Variants in PPP6R1 observed in about 807,000 individuals in gnomAD.
PPP6R1 encodes serine/threonine-protein phosphatase 6 regulatory subunit 1.
Under a neutral mutation model 104.6 loss-of-function variants are expected in PPP6R1, and 39 were observed. The ratio of observed to expected loss-of-function variants is 0.37; its 90% CI spans 0.29 to 0.49. The LOEUF (loss-of-function observed/expected upper bound fraction) is 0.49, where lower values mean the gene tolerates loss of function less well. Among genes scored for constraint, PPP6R1 ranks in the 20% least tolerant of loss-of-function variants. PPP6R1 has a pLI of 0.98. For missense variants in PPP6R1, 1,181 were observed against 1,155.8 expected (o/e 1.02, Z -0.32); for synonymous variants, 549 against 479.0 (o/e 1.15, Z -1.91).
At chr19:55,256,450 G>A (rs976130343) in intron 1 of PPP6R1, among the ~76,000 whole-genome samples, 4 of 152,208 alleles carry the variant, frequency 2.6e-5, no homozygotes, top group Non-Finnish European at 5.9e-5. Flanking sequence ...ATCGCCAATC[G>A]TCCCCCAGGG....
intron 11 of PPP6R1, 43 bp from the exon 12 acceptor site, chr19:55,240,157 C>A (rs1235732808): frequency 6.4e-7 from 1 of 1,561,576 alleles, no homozygotes; most frequent in Non-Finnish European, 8.7e-7. Context: ...GGACTGGACC[C>A]AGGGATGCCC....
Position 55,241,717 on chromosome 19 carries a change from G to C in PPP6R1, c.846-78C>G. The C allele has an allele frequency of 7.0e-7, 1 of 1,432,050 alleles. No individual in the cohort carries two copies. Among genetic ancestry groups the C allele is most frequent in the South Asian group, 1.4e-5 (1 of 69,570 alleles). 88.7% of individuals were successfully genotyped at this position (1,432,050 alleles called of 1,614,324 possible). A position where few individuals can be genotyped will look rare whatever the true frequency, so the allele number is the denominator to read the frequency against. On this transcript the variant is annotated intron_variant, in intron 7 of 23. Coordinates refer to ENST00000412770, the MANE Select transcript of PPP6R1 (RefSeq NM_014931.4). The surrounding 1 kb of genome is among the most constrained non-coding windows in gnomAD (Gnocchi z 5.4). ...ACACAGGAGTAGGCACAAGGACCAC[G>C]TCTGCAGGGTCTGGAGGAAAACGAG...
chr19:55,245,929 AGC>A lies in PPP6R1; in HGVS notation c.228-253_228-252del. ...CACCCCCAAGACAAGCTGGTCCTGA[AGC>A]TCCTGCGCTTCCCAATCCCCCAGCA... On this transcript the variant is annotated intron_variant, in intron 2 of 23. Transcript: ENST00000412770. This position sits in a 1 kb window ranked among gnomAD's most constrained non-coding sequence, Gnocchi z 6.4. 6.6e-6 allele frequency among the ~76,000 whole-genome samples: 1 copy of A among 152,136 alleles called. No individual in the cohort carries two copies. The highest frequency in any genetic ancestry group is 1.9e-4 in the East Asian group (1 of 5,168).
At chr19:55,235,210 GA>G (rs79678602) in intron 17 of PPP6R1, among the ~76,000 whole-genome samples, 49,387 of 145,080 alleles carry the variant, frequency 0.34, 9,961 homozygotes, top group East Asian at 0.7. Context: ...AGTATTAAGA[GA>G]AAAAAAAAAA....
At chr19:55,251,160 CCT>C (rs1486131639) in intron 1 of PPP6R1, among the ~76,000 whole-genome samples, 3 of 152,202 alleles carry the variant, frequency 2.0e-5, no homozygotes, top group Admixed American at 1.3e-4. Flanking sequence ...TCCCTGTCTC[CCT>C]GAGCTGTGCG....
chr19:55,258,376 G>A (rs1165142115), intron 1 of PPP6R1, 59 bp downstream of exon 1: 2 of 152,192 alleles, frequency 1.3e-5, no homozygotes, highest in Non-Finnish European at 2.9e-5. Flanking sequence ...GACGCGGAGA[G>A]GGGAAGACGT....
At chr19:55,254,247 T>G (rs1204417621) in intron 1 of PPP6R1, among the ~76,000 whole-genome samples, 1 of 152,140 alleles carries the variant, frequency 6.6e-6, no homozygotes, top group Non-Finnish European at 1.5e-5. Flanking sequence ...CTACCACTAG[T>G]TTTTAGCTAC....
chr19:55,242,801 G>C (rs181324346), intron 5 of PPP6R1, among the ~76,000 whole-genome samples: 154 of 152,316 alleles, frequency 1.0e-3, no homozygotes, highest in Middle Eastern at 3.4e-3. Flanking sequence ...TGCCCAAGCT[G>C]GTCTATCCAC....
chr19:55,243,522 A>C (rs917953996), intron 5 of PPP6R1, among the ~76,000 whole-genome samples: 12 of 152,114 alleles, frequency 7.9e-5, no homozygotes, highest in African/African-American at 2.9e-4. Context: ...AAAATTAGCC[A>C]AGAATGGTGG....
At chr19:55,258,080 C>G (rs1449702204) in intron 1 of PPP6R1, among the ~76,000 whole-genome samples, 1 of 152,152 alleles carries the variant, frequency 6.6e-6, no homozygotes, top group Non-Finnish European at 1.5e-5. Flanking sequence ...TCCAGGGTAA[C>G]CAGGGAGAAA....
rs1297992071 is a variant in PPP6R1, at chr19:55,242,141, A to G, written c.845+25T>C. The G allele has an allele frequency of 4.4e-6, 7 of 1,598,756 alleles. No homozygotes were observed. The South Asian group carries it at 4.4e-5, about 10-fold the overall frequency. On this transcript the variant is annotated intron_variant, in intron 7 of 23. Coordinates refer to ENST00000412770, the MANE Select transcript of PPP6R1 (RefSeq NM_014931.4). ...GAGCCCCTGGGGATGGGCAGCATGCATGGTCTGTGGCCCGTATCCCTCACC... is the reference window on the plus strand; with the variant it reads ...GAGCCCCTGGGGATGGGCAGCATGCGTGGTCTGTGGCCCGTATCCCTCACC...
chr19:55,250,533 G>C (rs964952496), intron 1 of PPP6R1, among the ~76,000 whole-genome samples: 2 of 152,134 alleles, frequency 1.3e-5, no homozygotes, highest in African/African-American at 4.8e-5. Context: ...GCCATTTCCA[G>C]GCCCACCCTG....
rs1367417920 is a variant in PPP6R1 at position 55,230,359 on chromosome 19, T to G, written c.*169A>C. ...CTTCTCTTCTCAGTGCAAATGGGGG[T>G]GGGTTGGGCCTGTCTCCCTGGCACC... On this transcript the variant is annotated 3_prime_UTR_variant, in exon 24 of 24. Coordinates refer to ENST00000412770, the MANE Select transcript of PPP6R1 (RefSeq NM_014931.4). 4.5e-6 allele frequency: 4 copies of G among 891,662 alleles called. No homozygotes were observed. The highest frequency in any genetic ancestry group is 6.8e-6 in the Non-Finnish European group (4 of 587,520). The allele number at this position is 891,662 out of a possible 1,614,324, so 55.2% of individuals were successfully genotyped here. A position where few individuals can be genotyped will look rare whatever the true frequency, so the allele number is the denominator to read the frequency against.
Position 55,246,919 on chromosome 19 carries a change from G to C in PPP6R1, c.185C>G (p.Thr62Ser), listed in dbSNP as rs1257725178. 6.2e-7 allele frequency: 1 copy of C among 1,613,272 alleles called. No individual in the cohort carries two copies. Residue 62 changes from threonine (T) to serine (S), a missense_variant, in exon 2 of 24, where the codon ACC becomes AGC. Coordinates refer to ENST00000412770, the MANE Select transcript of PPP6R1 (RefSeq NM_014931.4). Reference sequence around the variant, plus strand: ...CTCACCGCTATCTGGCGGCTCCTGGGTGACCCAGGCCACCATTGCTTGCAG... The same window carrying C: ...CTCACCGCTATCTGGCGGCTCCTGGCTGACCCAGGCCACCATTGCTTGCAG... ...PHLQAMVAWV[T>S]QEPPDSGEER...
intron 15 of PPP6R1, among the ~76,000 whole-genome samples, chr19:55,238,261 A>T (rs1275348741): frequency 6.6e-6 from 1 of 152,214 alleles, no homozygotes; most frequent in African/African-American, 2.4e-5. Flanking sequence ...CACAAAGACC[A>T]ACGCTCTGCA....
chr19:55,237,583 A>G (rs1447003313), intron 15 of PPP6R1, among the ~76,000 whole-genome samples: 2 of 152,206 alleles, frequency 1.3e-5, no homozygotes, highest in Non-Finnish European at 2.9e-5. Context: ...TTTGTCTCAA[A>G]TTCATGAAAA....
At chr19:55,237,042 C>A in intron 15 of PPP6R1, 72 bp from the exon 16 acceptor site, 1 of 1,448,394 alleles carries the variant, frequency 6.9e-7, no homozygotes, top group South Asian at 1.2e-5. Flanking sequence ...GGCCACATTT[C>A]TTTCTTCACT....
At position 55,231,607 on chromosome 19, in the gene PPP6R1, C is replaced by T; in HGVS notation, c.2368G>A (p.Glu790Lys). The change falls in exon 20 of 24, where the codon GAG (glutamate) becomes AAG (lysine). Residue 790 changes from glutamate to lysine, a missense_variant. Transcript: ENST00000412770. ...QEATEGSKVT[E>K]PSAPCQALVS... is the part of the protein sequence containing the mutation. ...GCAAAGCGGGGCTCACCTGAGGGCT[C>T]CGTGACTTTGCTGCCTTCTGTGGCT... 6.2e-7 allele frequency: 1 copy of T among 1,611,150 alleles called. No individual in the cohort carries two copies. Among genetic ancestry groups the T allele is most frequent in the African/African-American group, 1.3e-5 (1 of 74,954 alleles).
At chr19:55,243,416 A>AG (rs1163414137) in intron 5 of PPP6R1, among the ~76,000 whole-genome samples, 1 of 151,748 alleles carries the variant, frequency 6.6e-6, no homozygotes, top group East Asian at 1.9e-4. Context: ...AAAAAAAAAA[A>AG]AAAAAAAGAA....
Sources: allele counts gnomAD v4.1 joint callset (sites outside exome capture counted in the v4.1 genomes callset), GRCh38; gene constraint gnomAD v4.1.1; non-coding constraint Gnocchi (gnomAD v3.1); transcripts MANE v1.5; gene names NCBI Gene and HGNC (gene_info 2026-07-23, HGNC 2026-07-21).